Variants in RBFOX1 observed in about 807,000 individuals in gnomAD.
RBFOX1 encodes the protein RNA binding fox-1 homolog 1.
In RBFOX1, 8 loss-of-function variants were observed where a neutral mutation model predicts 57.7. The observed-to-expected ratio is 0.14, with a 90% CI of 0.08 to 0.25. The LOEUF (loss-of-function observed/expected upper bound fraction) is 0.25. Ranked by LOEUF, RBFOX1 falls within the 10% of genes least tolerant of loss-of-function variation. The pLI is 1.00. For synonymous variants in RBFOX1, 326 were observed against 222.4 expected, an observed-to-expected ratio of 1.47 and a Z score of -4.15; for missense variants, 611 against 548.5, an observed-to-expected ratio of 1.11 and a Z score of -1.14.
In RBFOX1 at chr16:6,742,777, G is replaced by C. The variant is rs189702691; in HGVS notation, c.-16+88127G>C. 1.9e-4 allele frequency among the ~76,000 whole-genome samples: 29 copies of C among 152,248 alleles called. 1 individual carries two copies. In the East Asian group the frequency reaches 5.0e-3, roughly 26 times the overall value. On this transcript the variant is annotated intron_variant, in intron 3 of 15. Coordinates refer to ENST00000550418, the MANE Select transcript of RBFOX1 (RefSeq NM_018723.4). The stretch of plus-strand genomic sequence containing the variant: ...TACAATGTCATTTATATAACACTTT[G>C]ACCATGAGAGAAGTATAAAGATTTG...
intron 4 of RBFOX1, among the ~76,000 whole-genome samples, chr16:6,006,460 G>A (rs954377532): frequency 2.6e-5 from 4 of 152,156 alleles, no homozygotes; most frequent in African/African-American, 9.7e-5. Context: ...GCCTATTGGA[G>A]GGCATTTTGA....
intron 4 of RBFOX1, among the ~76,000 whole-genome samples, chr16:7,179,122 C>T (rs17142792): frequency 6.6e-6 from 1 of 151,936 alleles, no homozygotes; most frequent in Non-Finnish European, 1.5e-5. Flanking sequence ...CCAGATTACT[C>T]GAGGCATCCG....
At chr16:6,309,076 T>C (rs1861187) in intron 1 of RBFOX1, among the ~76,000 whole-genome samples, 117,215 of 151,876 alleles carry the variant, frequency 0.77, 46,191 homozygotes, top group African/African-American at 0.9. Flanking sequence ...TCAGGTCTCA[T>C]GTGTATATTT....
intron 4 of RBFOX1, among the ~76,000 whole-genome samples, chr16:6,000,543 A>G (rs1248625070): frequency 6.6e-6 from 1 of 152,146 alleles, no homozygotes; most frequent in Non-Finnish European, 1.5e-5. Context: ...CGAAAACTCT[A>G]TGTTTTCCTT....
At chr16:6,480,760 T>C (rs759303658) in intron 2 of RBFOX1, among the ~76,000 whole-genome samples, 11 of 152,234 alleles carry the variant, frequency 7.2e-5, no homozygotes, top group Non-Finnish European at 1.6e-4. Context: ...CAATTTATTT[T>C]TGCTGAGAAA....
chr16:6,319,828 C>T (rs985689343), intron 2 of RBFOX1, among the ~76,000 whole-genome samples: 4 of 152,150 alleles, frequency 2.6e-5, no homozygotes, highest in African/African-American at 9.7e-5. Context: ...AATTTAACTT[C>T]CAAGAGGTTT....
Position 6,654,588 on chromosome 16 carries a change from TTCTTC to T in RBFOX1, c.-63-7_-63-3del. The stretch of plus-strand genomic sequence containing the variant: ...GTTCTTTCTCTCACTTTCCTTTCTT[TTCTTC>T]TCTTCTCAGGATATCAAAGCAGACT... On this transcript the variant is annotated splice_polypyrimidine_tract_variant and intron_variant, in intron 2 of 15. Transcript: ENST00000550418. 1 of 1,503,198 alleles carries T rather than the reference TTCTTC, an allele frequency of 6.7e-7. No individual in the cohort carries two copies. The highest frequency in any genetic ancestry group is 8.8e-7 in the Non-Finnish European group (1 of 1,133,552). 93.1% of individuals were successfully genotyped at this position (1,503,198 alleles called of 1,614,324 possible). A position where few individuals can be genotyped will look rare whatever the true frequency, so the allele number is the denominator to read the frequency against.
chr16:7,121,463 A>G (rs146012086), intron 4 of RBFOX1, among the ~76,000 whole-genome samples: 31 of 152,246 alleles, frequency 2.0e-4, no homozygotes, highest in Admixed American at 9.2e-4. Flanking sequence ...AAAACAAACC[A>G]TTTACAATAG....
chr16:7,002,102 T>A (rs1249811376), intron 3 of RBFOX1, among the ~76,000 whole-genome samples: 5 of 151,782 alleles, frequency 3.3e-5, no homozygotes, highest in African/African-American at 1.2e-4. Flanking sequence ...ATGGAGAAAT[T>A]TTTTTTTCTC....
intron 1 of RBFOX1, among the ~76,000 whole-genome samples, chr16:5,278,440 T>C (rs556962325): frequency 3.9e-5 from 6 of 152,364 alleles, no homozygotes; most frequent in African/African-American, 1.2e-4. Flanking sequence ...CCCATCACTA[T>C]GTACCGGCTG....
intron 1 of RBFOX1, chr16:5,365,648 A>T (rs572036178): frequency 3.5e-5 from 11 of 310,866 alleles, no homozygotes; most frequent in East Asian, 9.9e-5. Flanking sequence ...AGCCTGGGTG[A>T]CGGAGTAAGA....
At chr16:7,291,432 C>T (rs1193334388) in intron 4 of RBFOX1, among the ~76,000 whole-genome samples, 1 of 151,986 alleles carries the variant, frequency 6.6e-6, no homozygotes, top group Admixed American at 6.6e-5. Context: ...GCTAGTATAG[C>T]CACAATGGAA....
intron 1 of RBFOX1, among the ~76,000 whole-genome samples, chr16:5,321,381 G>A (rs1249468951): frequency 6.6e-6 from 1 of 151,208 alleles, no homozygotes; most frequent in African/African-American, 2.4e-5. Flanking sequence ...GTGCAGTGGC[G>A]AAGTCTCAGC....
chr16:5,527,701 C>A (rs1356648133), intron 2 of RBFOX1, among the ~76,000 whole-genome samples: 1 of 152,038 alleles, frequency 6.6e-6, no homozygotes, highest in African/African-American at 2.4e-5. Context: ...TAGGAAAGGG[C>A]TGTGGGAGAT....
chr16:5,749,740 C>T (rs897722783), intron 3 of RBFOX1, among the ~76,000 whole-genome samples: 2 of 152,184 alleles, frequency 1.3e-5, no homozygotes, highest in African/African-American at 4.8e-5. Flanking sequence ...GACTTCTCTA[C>T]ACTGGTTATT....
intron 3 of RBFOX1, among the ~76,000 whole-genome samples, chr16:6,742,461 C>T (rs572911822): frequency 6.6e-6 from 1 of 152,134 alleles, no homozygotes; most frequent in Non-Finnish European, 1.5e-5. Flanking sequence ...AATGAGTCAA[C>T]AATCACATTT....
chr16:6,950,168 G>C (rs531351546), intron 3 of RBFOX1, among the ~76,000 whole-genome samples: 1 of 147,762 alleles, frequency 6.8e-6, no homozygotes, highest in Non-Finnish European at 1.5e-5. Context: ...ATGTTGGCCA[G>C]GCTGGTCTCA....
Position 7,361,705 on chromosome 16 carries a change from C to T in RBFOX1, c.28-156442C>T, listed in dbSNP as rs192295568. ...GTTCCTGCCTGGTAGTATGAGAATT[C>T]GAAGATGCTTGAGGCATGCTGGTGA... On this transcript the variant is annotated intron_variant, in intron 4 of 15. Transcript: ENST00000550418. Among the ~76,000 whole-genome samples, 166 of 152,234 alleles carry T rather than the reference C, an allele frequency of 1.1e-3. 2 individuals carry two copies. Among genetic ancestry groups the T allele is most frequent in the Admixed American group, 2.2e-3 (33 of 15,284 alleles).
chr16:7,139,176 C>CTGTGTGTG (rs1388063094), intron 4 of RBFOX1, among the ~76,000 whole-genome samples: 185 of 145,876 alleles, frequency 1.3e-3, no homozygotes, highest in African/African-American at 4.2e-3. Context: ...CAATCTCTCT[C>CTGTGTGTG]TGTGTGTGTG....
Sources: gnomAD v4.1 joint callset for allele counts (sites outside exome capture counted in the v4.1 genomes callset) on GRCh38, gnomAD v4.1.1 for gene constraint, MANE v1.5 for transcripts, NCBI Gene and HGNC (gene_info 2026-07-23, HGNC 2026-07-21) for gene names.